SUMF2: variants seen among roughly 807,000 people sequenced by gnomAD.
The protein encoded by SUMF2 is sulfatase modifying factor 2.
A neutral mutation model predicts 44.8 loss-of-function variants in SUMF2; 45 were observed. The ratio of observed to expected loss-of-function variants is 1.00; its 90% CI spans 0.79 to 1.29. The LOEUF (loss-of-function observed/expected upper bound fraction) is 1.29, where lower values mean the gene tolerates loss of function less well. Among genes scored for constraint, SUMF2 ranks in the 50% most tolerant of loss-of-function variants. SUMF2 has a pLI of 0.00. For synonymous variants in SUMF2, 148 were observed against 150.4 expected, an observed-to-expected ratio of 0.98 and a Z score of 0.12; for missense variants, 418 against 389.9, an observed-to-expected ratio of 1.07 and a Z score of -0.61.
chr7:56,087,051 C>G, the SUMF2 span: 1 of 1,599,316 alleles, frequency 6.3e-7, no homozygotes. Context: ...TAGCTTGTCT[C>G]AAGTAGCAGG....
At chr7:56,072,873 C>T in intron 2 of SUMF2, 124 bp from the exon 3 acceptor site, 3 of 652,970 alleles carry the variant, frequency 4.6e-6, no homozygotes, top group Non-Finnish European at 8.2e-6. Context: ...AATTCCTTGG[C>T]AATCATGAAC....
At chr7:56,086,420 C>T in the SUMF2 span, among the ~76,000 whole-genome samples, 2 of 152,126 alleles carry the variant, frequency 1.3e-5, no homozygotes, top group Non-Finnish European at 2.9e-5. Context: ...TGCCTGTAAT[C>T]CCAGCACTTT....
downstream of SUMF2, chr7:56,082,366 G>A: frequency 2.7e-6 from 2 of 751,346 alleles, no homozygotes; most frequent in Non-Finnish European, 4.3e-6. Flanking sequence ...GCCGAGGCAG[G>A]TGGCTCATCT....
intron 7 of SUMF2, 26 bp downstream of exon 7, chr7:56,078,212 TG>T (rs1584603847): frequency 1.3e-6 from 2 of 1,599,214 alleles, no homozygotes; most frequent in East Asian, 4.5e-5. Context: ...GGCTTGCGGC[TG>T]TGCCCATGAA....
At chr7:56,076,634 G>T in intron 5 of SUMF2, 200 bp from the exon 6 acceptor site, 1 of 478,666 alleles carries the variant, frequency 2.1e-6, no homozygotes, top group Non-Finnish European at 3.7e-6. Flanking sequence ...CATTGCCCTG[G>T]AGCACATGAG....
At chr7:56,076,767 G>A in intron 5 of SUMF2, 67 bp from the exon 6 acceptor site, 2 of 1,421,488 alleles carry the variant, frequency 1.4e-6, no homozygotes, top group Non-Finnish European at 1.9e-6. Context: ...CACTCTTTCT[G>A]TGTTCTTTTT....
At position 56,079,894 on chromosome 7, in the gene SUMF2, C is replaced by A; in HGVS notation, c.*282C>A. On this transcript the variant is annotated 3_prime_UTR_variant, in exon 9 of 9. Coordinates refer to ENST00000434526, the MANE Select transcript of SUMF2 (RefSeq NM_015411.4). ...TGACACAGGATTGCAAACACACAAA[C>A]AATTGGAACAGAGCACTCTGAAAGG... is the stretch of plus-strand genomic sequence containing the variant. The A allele has an allele frequency of 6.6e-7, 1 of 1,519,810 alleles. No homozygotes were observed. Among genetic ancestry groups the A allele is most frequent in the Non-Finnish European group, 8.9e-7 (1 of 1,128,714 alleles). The allele number at this position is 1,519,810 out of a possible 1,614,324, so 94.1% of individuals were successfully genotyped here.
intron 1 of SUMF2, among the ~76,000 whole-genome samples, chr7:56,067,235 T>TG (rs1328170875): frequency 6.6e-6 from 1 of 152,152 alleles, no homozygotes; most frequent in Non-Finnish European, 1.5e-5. Flanking sequence ...AAAGGACTTG[T>TG]GTAGAGGAAG....
chr7:56,074,838 C>CTGTA, intron 5 of SUMF2, 102 bp downstream of exon 5: 1 of 1,448,410 alleles, frequency 6.9e-7, no homozygotes, highest in Non-Finnish European at 9.5e-7. Flanking sequence ...TGGCTTATGC[C>CTGTA]TGTAATCCCA....
downstream of SUMF2, chr7:56,083,492 C>T: frequency 6.2e-7 from 1 of 1,600,488 alleles, no homozygotes; most frequent in Non-Finnish European, 8.6e-7. Context: ...GGTCAGGTAA[C>T]AGGCAGGGAG....
chr7:56,074,538 G>A (rs1271021709), intron 4 of SUMF2, 48 bp from the exon 5 acceptor site: 4 of 1,604,078 alleles, frequency 2.5e-6, no homozygotes, highest in Non-Finnish European at 3.4e-6. Context: ...GCCTGCCTCC[G>A]ACTTAATGCG....
At chr7:56,079,470 A>G in intron 8 of SUMF2, 58 bp from the exon 9 acceptor site, 1 of 1,527,086 alleles carries the variant, frequency 6.5e-7, no homozygotes, top group East Asian at 2.3e-5. Flanking sequence ...CAAGATGGGT[A>G]AGCCCTAGGC....
chr7:56,087,064 A>C, the SUMF2 span: 1 of 1,567,734 alleles, frequency 6.4e-7, no homozygotes, highest in Admixed American at 1.7e-5. Context: ...GTAGCAGGGG[A>C]GCCCAGGCAG....
At chr7:56,068,381 G>T in intron 1 of SUMF2, 101 bp from the exon 2 acceptor site, 2 of 1,193,782 alleles carry the variant, frequency 1.7e-6, no homozygotes, top group Admixed American at 3.2e-5. Context: ...ATTTTTTGTT[G>T]TGTTTTGTTA....
downstream of SUMF2, chr7:56,083,116 AAAAAG>A: frequency 9.2e-6 from 6 of 651,682 alleles, no homozygotes; most frequent in East Asian, 2.8e-5. Flanking sequence ...AAAAAAAAAA[AAAAAG>A]AAAGAAAAAG....
At chr7:56,067,909 AAAG>A (rs979239360) in intron 1 of SUMF2, among the ~76,000 whole-genome samples, 7 of 151,834 alleles carry the variant, frequency 4.6e-5, no homozygotes, top group African/African-American at 1.7e-4. Context: ...AAAAAAAAAA[AAAG>A]ACAAGAAATT....
rs199516804 is a variant in SUMF2 at position 56,074,136 on chromosome 7, C to T, written c.340-38C>T. On this transcript the variant is annotated intron_variant, in intron 3 of 8. Transcript: ENST00000434526. ...CAGTCGGGGAGGTGCCTTTGCTGGG[C>T]CGGAGCATCTTGCAGTCGGTCTCCT... 8.1e-6 allele frequency: 13 copies of T among 1,608,842 alleles called. 1 individual carries two copies. In the Middle Eastern group the frequency reaches 9.9e-4, roughly 123 times the overall value.
chr7:56,084,097 G>T, downstream of SUMF2: 1 of 1,005,430 alleles, frequency 9.9e-7, no homozygotes, highest in South Asian at 1.4e-5. Context: ...AGGATGGCTA[G>T]AAGTGACCAG....
At chr7:56,087,695 A>G in the SUMF2 span, 3,234 of 1,613,846 alleles carry the variant, frequency 2.0e-3, 10 homozygotes, top group Non-Finnish European at 2.4e-3. Flanking sequence ...AGCTGCCTCC[A>G]CCGGTGACGT....
Sources: allele counts gnomAD v4.1 joint callset (sites outside exome capture counted in the v4.1 genomes callset), GRCh38; gene constraint gnomAD v4.1.1; transcripts MANE v1.5; gene names NCBI Gene and HGNC (gene_info 2026-07-23, HGNC 2026-07-21).